DACH2: variants seen among roughly 807,000 people sequenced by gnomAD.
The protein encoded by DACH2 is dachshund homolog 2.
DACH2 carries 17 observed loss-of-function variants against 35.8 expected under a neutral mutation model. The observed-to-expected ratio is 0.48, with a 90% CI of 0.33 to 0.71. The LOEUF (loss-of-function observed/expected upper bound fraction) is 0.71, where lower values mean the gene tolerates loss of function less well. Ranked by LOEUF, DACH2 falls within the 30% of genes least tolerant of loss-of-function variation. DACH2 has a pLI of 0.02. For synonymous variants in DACH2, 195 were observed against 177.3 expected, an observed-to-expected ratio of 1.10 and a Z score of -0.79; for missense variants, 469 against 472.7, an observed-to-expected ratio of 0.99 and a Z score of 0.07.
At chrX:86,604,256 C>G (rs1048896130) in intron 3 of DACH2, among the ~76,000 whole-genome samples, 5 of 111,087 alleles carry the variant, frequency 4.5e-5, no homozygotes, top group African/African-American at 1.3e-4. Context: ...TTTATCTCTA[C>G]TAGGTAGAGA....
chrX:86,561,865 C>A, intron 3 of DACH2, among the ~76,000 whole-genome samples: 1 of 63,074 alleles, frequency 1.6e-5, no homozygotes, highest in African/African-American at 7.2e-5. Flanking sequence ...CTAACCTGCA[C>A]ATTGTGCACA....
At chrX:86,349,259 G>A (rs199644612) in intron 1 of DACH2, among the ~76,000 whole-genome samples, 120 of 111,656 alleles carry the variant, frequency 1.1e-3, no homozygotes, top group East Asian at 5.2e-3. Flanking sequence ...GGCTCTCACC[G>A]ACCACCTGGG....
intron 1 of DACH2, among the ~76,000 whole-genome samples, chrX:86,339,474 C>T (rs773631313): frequency 4.5e-5 from 5 of 111,433 alleles, no homozygotes; most frequent in African/African-American, 9.8e-5. Context: ...TACTATGTGG[C>T]GGGCACAAAC....
intron 1 of DACH2, among the ~76,000 whole-genome samples, chrX:86,274,237 ATGT>A (rs2033865381): frequency 9.1e-6 from 1 of 110,440 alleles, no homozygotes; most frequent in South Asian, 3.9e-4. Context: ...AAGCAGAACT[ATGT>A]ATTGTGTGTT....
intron 1 of DACH2, among the ~76,000 whole-genome samples, chrX:86,204,795 A>G (rs1482977915): frequency 3.6e-5 from 4 of 111,864 alleles, no homozygotes; most frequent in Non-Finnish European, 7.5e-5. Context: ...CAGCAGCTCA[A>G]TCGGATGGGA....
intron 1 of DACH2, among the ~76,000 whole-genome samples, chrX:86,316,360 C>G (rs1015546115): frequency 6.4e-5 from 7 of 110,120 alleles, no homozygotes; most frequent in Non-Finnish European, 1.1e-4. Flanking sequence ...TGGTGCTCAC[C>G]CAGGAGACTC....
intron 1 of DACH2, among the ~76,000 whole-genome samples, chrX:86,205,462 CTCCCTCCTTCCCTCCTTCCCTCCT>C (rs752447824): frequency 4.3e-5 from 2 of 46,841 alleles, no homozygotes; most frequent in African/African-American, 3.2e-4. Flanking sequence ...CCCTCCCTCC[CTCCCTCCTTCCCTCCTTCCCTCCT>C]TCCCTCCTTC....
At position 86,824,175 on chromosome X, in the gene DACH2, T is replaced by G. The variant is rs1289822736; in HGVS notation, c.1751-7931T>G. ...TATTTGAGTCCTTATCTCAACCGCATAAGACGGACACTCCCAGAACAGCCG... is the reference window on the plus strand; with the variant it reads ...TATTTGAGTCCTTATCTCAACCGCAGAAGACGGACACTCCCAGAACAGCCG... On this transcript the variant is annotated intron_variant, in intron 11 of 11. Transcript: ENST00000373125. Among the ~76,000 whole-genome samples, 9 of 110,801 alleles carry G rather than the reference T, an allele frequency of 8.1e-5. No homozygotes were observed. The East Asian group carries it at 2.6e-3, about 32-fold the overall frequency.
chrX:86,150,791 T>C (rs2030338491), intron 1 of DACH2, among the ~76,000 whole-genome samples: 1 of 111,962 alleles, frequency 8.9e-6, no homozygotes, highest in African/African-American at 3.2e-5. Context: ...ACAAGGGACT[T>C]CAGATAGTGG....
intron 4 of DACH2, among the ~76,000 whole-genome samples, chrX:86,691,922 G>A (rs753885593): frequency 3.3e-4 from 37 of 111,809 alleles, no homozygotes; most frequent in South Asian, 1.1e-3. Flanking sequence ...AAAATACTTT[G>A]CTAGTTTTAA....
intron 3 of DACH2, among the ~76,000 whole-genome samples, chrX:86,599,518 C>CTTTCTTTCTTT (rs1569449953): frequency 1.7e-4 from 17 of 97,224 alleles, no homozygotes; most frequent in Non-Finnish European, 3.5e-4. Context: ...TTCTTTCTTT[C>CTTTCTTTCTTT]AAAGAGTCTC....
chrX:86,156,380 T>A (rs2030546143), intron 1 of DACH2, among the ~76,000 whole-genome samples: 1 of 111,523 alleles, frequency 9.0e-6, no homozygotes, highest in Non-Finnish European at 1.9e-5. Flanking sequence ...TTTATTCCTC[T>A]TATTAGAATT....
intron 1 of DACH2, among the ~76,000 whole-genome samples, chrX:86,221,474 A>T (rs1246162791): frequency 8.9e-6 from 1 of 111,869 alleles, no homozygotes; most frequent in Non-Finnish European, 1.9e-5. Flanking sequence ...TTTGTAATAC[A>T]TTTTGAAATC....
chrX:86,312,969 A>G (rs1201769201), intron 1 of DACH2, among the ~76,000 whole-genome samples: 1 of 111,762 alleles, frequency 8.9e-6, no homozygotes, highest in Middle Eastern at 4.3e-3. Context: ...GCTAGATAAG[A>G]GGAATAATTT....
chrX:86,671,848 G>A (rs770410068), intron 4 of DACH2, among the ~76,000 whole-genome samples: 8 of 111,657 alleles, frequency 7.2e-5, no homozygotes, highest in African/African-American at 2.3e-4. Flanking sequence ...GAACAGTTGC[G>A]AGGGCTCAGA....
intron 1 of DACH2, among the ~76,000 whole-genome samples, chrX:86,329,286 A>G: frequency 8.9e-6 from 1 of 111,847 alleles, no homozygotes; most frequent in South Asian, 3.8e-4. Context: ...GGGAAAAAAA[A>G]ATGAGCTATA....
chrX:86,297,043 G>GTATATATATATATATATA (rs35078642), intron 1 of DACH2, among the ~76,000 whole-genome samples: 13 of 89,931 alleles, frequency 1.4e-4, no homozygotes, highest in African/African-American at 5.2e-4. Context: ...ATATAATTGT[G>GTATATATATATATATATA]TATATATATA....
intron 1 of DACH2, chrX:86,304,936 G>T (rs1429194112): frequency 8.0e-6 from 1 of 124,490 alleles, no homozygotes; most frequent in Non-Finnish European, 1.8e-5. Flanking sequence ...TGACTAAGAG[G>T]CCCAGTGAGC....
At chrX:86,469,966 G>T (rs2037736755) in intron 2 of DACH2, among the ~76,000 whole-genome samples, 1 of 110,142 alleles carries the variant, frequency 9.1e-6, no homozygotes, top group African/African-American at 3.3e-5. Context: ...CCATCGGAAT[G>T]AAAATTTAGC....
Sources: gnomAD v4.1 joint callset for allele counts (sites outside exome capture counted in the v4.1 genomes callset) on GRCh38, gnomAD v4.1.1 for gene constraint, MANE v1.5 for transcripts, NCBI Gene and HGNC (gene_info 2026-07-23, HGNC 2026-07-21) for gene names.